RIPOR2: variants seen among roughly 807,000 people sequenced by gnomAD.
The protein encoded by RIPOR2 is RHO family interacting cell polarization regulator 2.
Under a neutral mutation model 114.5 loss-of-function variants are expected in RIPOR2, and 39 were observed. The ratio of observed to expected loss-of-function variants is 0.34; its 90% CI spans 0.26 to 0.44. The LOEUF (loss-of-function observed/expected upper bound fraction) is 0.44. RIPOR2 is among the 20% of genes least tolerant of loss of function. The pLI is 1.00. For missense variants in RIPOR2, 1,007 were observed against 1,255.1 expected (o/e 0.80, Z 2.99); for synonymous variants, 445 against 484.4 (o/e 0.92, Z 1.07).
At chr6:25,024,187 C>A (rs1337907761) in intron 1 of RIPOR2, 2 of 1,383,408 alleles carry the variant, frequency 1.4e-6, no homozygotes, top group Non-Finnish European at 2.0e-6. Context: ...TGTTTGCTGG[C>A]AATGCAGGGC....
chr6:24,806,194 TCTC>T lies in RIPOR2; in HGVS notation c.*176_*178del, dbSNP rs1307430598. On this transcript the variant is annotated 3_prime_UTR_variant, in exon 22 of 22. Coordinates refer to ENST00000643898, the MANE Select transcript of RIPOR2 (RefSeq NM_001286445.3). Reference sequence around the variant, plus strand: ...CTTGAACCTCCTGGGCTTAAGCAATTCTCCTGCGTTGGCCTCCCAAAGTACTGG... The same window carrying T: ...CTTGAACCTCCTGGGCTTAAGCAATTCTGCGTTGGCCTCCCAAAGTACTGG... The T allele has an allele frequency of 1.7e-6, 1 of 593,458 alleles. No homozygotes were observed. The highest frequency in any genetic ancestry group is 1.9e-5 in the African/African-American group (1 of 52,312). 36.8% of individuals were successfully genotyped at this position (593,458 alleles called of 1,614,324 possible). A position where few individuals can be genotyped will look rare whatever the true frequency, so the allele number is the denominator to read the frequency against.
chr6:24,972,381 T>C (rs1281294775), intron 1 of RIPOR2, among the ~76,000 whole-genome samples: 1 of 152,206 alleles, frequency 6.6e-6, no homozygotes, highest in African/African-American at 2.4e-5. Flanking sequence ...TCCTGGTCAG[T>C]TCACATCCCT....
chr6:24,809,567 C>T (rs925781893), intron 21 of RIPOR2, 150 bp downstream of exon 21: 9 of 632,806 alleles, frequency 1.4e-5, no homozygotes, highest in Middle Eastern at 5.1e-4. Context: ...TCTTCGTACT[C>T]TGTGTGTGAG....
rs370481096 is a variant in RIPOR2 at position 24,825,604 on chromosome 6, A to C, written c.2666-176T>G. 3.3e-4 allele frequency among the ~76,000 whole-genome samples: 50 copies of C among 152,376 alleles called. 1 individual carries two copies. In the South Asian group the frequency reaches 7.5e-3, roughly 23 times the overall value. ...CAGATTGGTGAGAAAAGGACAGACT[A>C]TGCAAATAACTACATTATAGTGATG... On this transcript the variant is annotated intron_variant, in intron 18 of 21. Coordinates refer to ENST00000643898, the MANE Select transcript of RIPOR2 (RefSeq NM_001286445.3).
Position 24,875,793 on chromosome 6 carries a change from A to G in RIPOR2, c.86T>C (p.Ile29Thr). The change falls in exon 2 of 22, where the codon ATC (isoleucine) becomes ACC (threonine). Residue 29 changes from isoleucine to threonine, a missense_variant. Physicochemically the swap from Ile to Thr is moderately conservative, Grantham distance 89 (BLOSUM62 -1). Transcript: ENST00000643898. ...AAAAGACTGGGATCCTACCAACATG[A>G]TTTCCGGGAGTCTGGTCGGTAGTCC... is the stretch of plus-strand genomic sequence containing the variant. The part of the protein sequence containing the change: ...GEGLPTRLPE[I>T]MLVGSQSFSP... 6.2e-7 allele frequency: 1 copy of G among 1,612,646 alleles called. No individual in the cohort carries two copies. Among genetic ancestry groups the G allele is most frequent in the Non-Finnish European group, 8.5e-7 (1 of 1,179,352 alleles).
chr6:24,956,744 G>A (rs1052862813), intron 1 of RIPOR2, among the ~76,000 whole-genome samples: 38 of 152,194 alleles, frequency 2.5e-4, no homozygotes, highest in Non-Finnish European at 2.6e-4. Context: ...TATAGGGAAC[G>A]TCTTTCCACA....
In RIPOR2 at chr6:24,873,803, T is replaced by A. The variant is rs1282335384; in HGVS notation, c.189-4A>T. 2 of 1,597,686 alleles carry A rather than the reference T, an allele frequency of 1.3e-6. No individual in the cohort carries two copies. Among genetic ancestry groups the A allele is most frequent in the Admixed American group, 1.8e-5 (1 of 54,400 alleles). ...ATTTTCAATGAAGGAGTTACACCTA[T>A]GGAAAGAACAGAAGAAATTGTGAGG... On this transcript the variant is annotated splice_region_variant and splice_polypyrimidine_tract_variant and intron_variant, in intron 2 of 21. Coordinates refer to ENST00000643898, the MANE Select transcript of RIPOR2 (RefSeq NM_001286445.3).
chr6:24,927,002 C>T (rs1581814487), intron 1 of RIPOR2, among the ~76,000 whole-genome samples: 1 of 4,044 alleles, frequency 2.5e-4, no homozygotes, highest in East Asian at 0.045. Flanking sequence ...CTACAATCAC[C>T]ACCACCATCA....
At chr6:25,006,831 A>G (rs867109378) in intron 1 of RIPOR2, among the ~76,000 whole-genome samples, 1 of 152,164 alleles carries the variant, frequency 6.6e-6, no homozygotes, top group South Asian at 2.1e-4. Context: ...GGAAACATGC[A>G]CTCTTTTCAG....
intron 1 of RIPOR2, among the ~76,000 whole-genome samples, chr6:24,980,334 G>T (rs1774235074): frequency 6.6e-6 from 1 of 152,158 alleles, no homozygotes. Flanking sequence ...TAGTGGGAAA[G>T]CTTCCTTGGA....
chr6:24,924,722 C>T (rs1770739152), intron 1 of RIPOR2, among the ~76,000 whole-genome samples: 1 of 151,888 alleles, frequency 6.6e-6, no homozygotes, highest in Non-Finnish European at 1.5e-5. Context: ...TCCCAGCAGA[C>T]ATGAAAAGGA....
chr6:24,910,692 T>C (rs904288461), intron 1 of RIPOR2: 3 of 474,252 alleles, frequency 6.3e-6, no homozygotes, highest in Non-Finnish European at 8.3e-6. Context: ...CTGAGGACGC[T>C]CCAGTTTCAA....
intron 8 of RIPOR2, among the ~76,000 whole-genome samples, chr6:24,855,196 G>C (rs966579888): frequency 6.6e-6 from 1 of 151,952 alleles, no homozygotes; most frequent in Non-Finnish European, 1.5e-5. Flanking sequence ...TTGTCAATAA[G>C]TGGTAATTTT....
chr6:25,038,124 T>C (rs1581998557), intron 1 of RIPOR2, among the ~76,000 whole-genome samples: 1 of 152,260 alleles, frequency 6.6e-6, no homozygotes, highest in Non-Finnish European at 1.5e-5. Flanking sequence ...TTCTCAACTT[T>C]ACTGAATGTT....
rs373720890 is a variant in RIPOR2, at chr6:24,888,243, G to A, written c.62-12426C>T. ...GGGATCCTCAATTTTTGATCACCAG[G>A]TTAAAAAAACATTGCCATATAGAAG... On this transcript the variant is annotated intron_variant, in intron 1 of 21. Coordinates refer to ENST00000643898, the MANE Select transcript of RIPOR2 (RefSeq NM_001286445.3). 2.0e-4 allele frequency among the ~76,000 whole-genome samples: 30 copies of A among 152,174 alleles called. No individual in the cohort carries two copies. In the South Asian group the frequency reaches 5.8e-3, roughly 29 times the overall value.
At chr6:24,978,933 G>A (rs1445219062) in intron 1 of RIPOR2, among the ~76,000 whole-genome samples, 1 of 152,196 alleles carries the variant, frequency 6.6e-6, no homozygotes, top group African/African-American at 2.4e-5. Flanking sequence ...AATCGTGACA[G>A]AATGCTAGTG....
At chr6:24,877,086 G>T (rs1762909871) in intron 1 of RIPOR2, 1 of 985,214 alleles carries the variant, frequency 1.0e-6, no homozygotes, top group African/African-American at 1.7e-5. Context: ...GTCGACAATT[G>T]CCCTTTAAAG....
At position 24,874,424 on chromosome 6, in the gene RIPOR2, G is replaced by C. The variant is rs1272271728; in HGVS notation, c.189-625C>G. Among the ~76,000 whole-genome samples the C allele has an allele frequency of 2.0e-5, 3 of 152,142 alleles. No homozygotes were observed. The East Asian group carries it at 5.8e-4, about 29-fold the overall frequency. On this transcript the variant is annotated intron_variant, in intron 2 of 21. Transcript: ENST00000643898. Reference sequence around the variant, plus strand: ...CTGTGCCTGACCAAGAAATGTCTTTGTAATCATCTTGTGTTCACACTAGTG... The same window carrying C: ...CTGTGCCTGACCAAGAAATGTCTTTCTAATCATCTTGTGTTCACACTAGTG...
chr6:24,933,183 C>T (rs546500578), intron 1 of RIPOR2, among the ~76,000 whole-genome samples: 67 of 152,134 alleles, frequency 4.4e-4, no homozygotes, highest in Non-Finnish European at 6.5e-4. Flanking sequence ...GTTAACCAGA[C>T]GTGAAAAAAT....
Sources: allele counts gnomAD v4.1 joint callset (sites outside exome capture counted in the v4.1 genomes callset), GRCh38; gene constraint gnomAD v4.1.1; transcripts MANE v1.5; gene names NCBI Gene and HGNC (gene_info 2026-07-23, HGNC 2026-07-21).